SGK1: variants seen among roughly 807,000 people sequenced by gnomAD.
The protein encoded by SGK1 is serum/glucocorticoid regulated kinase 1.
In SGK1, 26 loss-of-function variants were observed where a neutral mutation model predicts 64.2. The ratio of observed to expected loss-of-function variants is 0.40; its 90% confidence interval spans 0.30 to 0.56. The LOEUF is 0.56. Among genes scored for constraint, SGK1 ranks in the 20% least tolerant of loss-of-function variants. The pLI is 0.38. For synonymous variants in SGK1, 265 were observed against 239.7 expected (o/e 1.11, Z -0.98); for missense variants, 519 against 645.6 (o/e 0.80, Z 2.12).
chr6:134,241,386 G>A (rs1033245732), intron 2 of SGK1, among the ~76,000 whole-genome samples: 3 of 151,872 alleles, frequency 2.0e-5, no homozygotes, highest in Non-Finnish European at 4.4e-5. Flanking sequence ...ATGGAGTCTC[G>A]CTTTGTTTTC....
chr6:134,219,271 C>A (rs1776039939), intron 2 of SGK1, among the ~76,000 whole-genome samples: 1 of 151,992 alleles, frequency 6.6e-6, no homozygotes, highest in African/African-American at 2.4e-5. Context: ...CTTGGCCTCC[C>A]AAAGTGCTGA....
intron 1 of SGK1, among the ~76,000 whole-genome samples, chr6:134,262,640 A>G (rs1252833630): frequency 6.6e-6 from 1 of 151,996 alleles, no homozygotes; most frequent in Non-Finnish European, 1.5e-5. Context: ...CGGAGGTTGC[A>G]GTGAGCTGAG....
At chr6:134,232,433 A>G (rs71547114) in intron 2 of SGK1, among the ~76,000 whole-genome samples, 15,421 of 38,910 alleles carry the variant, frequency 0.4, 2,206 homozygotes, top group South Asian at 0.62. Context: ...GAAAGAAAGA[A>G]AGAAAGAAAG....
chr6:134,291,330 C>T (rs188614770), intron 1 of SGK1, among the ~76,000 whole-genome samples: 21 of 152,238 alleles, frequency 1.4e-4, no homozygotes, highest in African/African-American at 4.8e-4. Flanking sequence ...CACTAGGCCC[C>T]AACAGACCGG....
intron 10 of SGK1, 56 bp downstream of exon 10, chr6:134,172,137 C>T: frequency 6.3e-7 from 1 of 1,597,462 alleles, no homozygotes; most frequent in Non-Finnish European, 8.5e-7. Flanking sequence ...CATGATTGTA[C>T]ATCTCTCTCT....
Position 134,248,491 on chromosome 6 carries a change from G to A in SGK1, c.285+13442C>T, listed in dbSNP as rs72974306. On this transcript the variant is annotated intron_variant, in intron 2 of 13. Transcript: ENST00000367858. ...TTTTTAGATGGAGAGTCCCTCTGTC[G>A]CCCAGGCTGGAGTACAGTAGTGAAA... 1.4e-3 allele frequency among the ~76,000 whole-genome samples: 166 copies of A among 121,220 alleles called. 5 individuals carry two copies. The South Asian group carries it at 0.036, about 27-fold the overall frequency. The allele number at this position is 121,220 out of a possible 152,430, so 79.5% of individuals were successfully genotyped here.
At chr6:134,191,202 C>T (rs969168565) in intron 3 of SGK1, among the ~76,000 whole-genome samples, 1 of 152,170 alleles carries the variant, frequency 6.6e-6, no homozygotes, top group Non-Finnish European at 1.5e-5. Flanking sequence ...TTCAAAGTTA[C>T]TGTCTACACG....
chr6:134,249,039 T>C lies in SGK1; in HGVS notation c.285+12894A>G, dbSNP rs1191109386. On this transcript the variant is annotated intron_variant, in intron 2 of 13. Transcript: ENST00000367858. ...TTCTCATGTCAGTAATGAGAGCTCC[T>C]GAGTTAATATTATGCTTTCCCAAAC... Among the ~76,000 whole-genome samples, 6 of 152,202 alleles carry C rather than the reference T, an allele frequency of 3.9e-5. No homozygotes were observed. The East Asian group carries it at 5.8e-4, about 15-fold the overall frequency.
chr6:134,223,686 G>A lies in SGK1; in HGVS notation c.286-16255C>T, dbSNP rs186933901. On this transcript the variant is annotated intron_variant, in intron 2 of 13. Transcript: ENST00000367858. ...TTTGCTTTATGCTATAATTTGTAAT[G>A]TTTAACTTTGTTTTAGCAAAAAAGT... 1.1e-3 allele frequency among the ~76,000 whole-genome samples: 163 copies of A among 152,304 alleles called. 1 individual carries two copies. The highest frequency in any genetic ancestry group is 1.8e-3 in the Non-Finnish European group (124 of 68,020).
chr6:134,209,159 C>A (rs536866650), intron 2 of SGK1, among the ~76,000 whole-genome samples: 3 of 152,076 alleles, frequency 2.0e-5, no homozygotes, highest in Non-Finnish European at 4.4e-5. Flanking sequence ...TCAGGCCAGG[C>A]GTGGTGGCTC....
At chr6:134,268,478 T>C (rs956270810) in intron 1 of SGK1, among the ~76,000 whole-genome samples, 11 of 151,652 alleles carry the variant, frequency 7.3e-5, no homozygotes, top group Non-Finnish European at 1.3e-4. Flanking sequence ...GTAATCCCAG[T>C]ACTTTGGGAG....
At chr6:134,209,504 C>CT (rs1582712798) in intron 2 of SGK1, among the ~76,000 whole-genome samples, 1 of 152,076 alleles carries the variant, frequency 6.6e-6, no homozygotes, top group East Asian at 1.9e-4. Context: ...GTTAAAACTG[C>CT]TTTTCCATTT....
chr6:134,310,824 G>A (rs939954915), intron 1 of SGK1, among the ~76,000 whole-genome samples: 10 of 152,216 alleles, frequency 6.6e-5, no homozygotes, highest in Admixed American at 2.6e-4. Flanking sequence ...CTGACCTCAG[G>A]TGATCTGCCT....
At chr6:134,206,937 T>C (rs1397133861) in intron 3 of SGK1, among the ~76,000 whole-genome samples, 26 of 141,504 alleles carry the variant, frequency 1.8e-4, no homozygotes, top group Non-Finnish European at 1.5e-5. Flanking sequence ...TAAGAATAAA[T>C]AAACAAGGCC....
At chr6:134,222,414 G>A (rs1776103333) in intron 2 of SGK1, among the ~76,000 whole-genome samples, 1 of 151,320 alleles carries the variant, frequency 6.6e-6, no homozygotes, top group Non-Finnish European at 1.5e-5. Context: ...CAGCTCACTG[G>A]AACCTCTGCC....
chr6:134,183,489 C>A (rs1775363520), intron 3 of SGK1, among the ~76,000 whole-genome samples: 1 of 152,202 alleles, frequency 6.6e-6, no homozygotes, highest in African/African-American at 2.4e-5. Flanking sequence ...ACAAGGATGT[C>A]ATGATGGGCA....
intron 3 of SGK1, among the ~76,000 whole-genome samples, chr6:134,198,425 G>A (rs750880044): frequency 4.6e-5 from 7 of 151,976 alleles, no homozygotes; most frequent in Non-Finnish European, 1.0e-4. Flanking sequence ...GCCATACTTC[G>A]GCAGACAAGC....
intron 1 of SGK1, chr6:134,298,691 G>A (rs1777399913): frequency 2.7e-6 from 3 of 1,098,560 alleles, no homozygotes; most frequent in South Asian, 1.5e-5. Context: ...TCACCCTGAT[G>A]GACATGGTGG....
intron 2 of SGK1, among the ~76,000 whole-genome samples, chr6:134,220,158 G>T (rs1364362088): frequency 1.3e-5 from 2 of 150,374 alleles, no homozygotes; most frequent in Non-Finnish European, 3.0e-5. Flanking sequence ...ATGGTGTTTT[G>T]TAGATTTTGC....
Sources: allele counts gnomAD v4.1 joint callset (sites outside exome capture counted in the v4.1 genomes callset), GRCh38; gene constraint gnomAD v4.1.1; transcripts MANE v1.5; gene names NCBI Gene and HGNC (gene_info 2026-07-23, HGNC 2026-07-21).